Variants in RCOR1 observed in about 807,000 individuals in gnomAD.
RCOR1 encodes the protein REST corepressor.
A neutral mutation model predicts 64.0 loss-of-function variants in RCOR1; 12 were observed. That is an observed-to-expected ratio of 0.19 (90% confidence interval 0.12 to 0.30). RCOR1 has a LOEUF of 0.30. RCOR1 is among the 10% of genes least tolerant of loss of function. The probability of loss-of-function intolerance (pLI) is 1.00; values close to 1 mark genes in which losing one functional copy is unlikely to be tolerated. For missense variants in RCOR1, 502 were observed against 621.2 expected (o/e 0.81, Z 2.04); for synonymous variants, 279 against 227.2 (o/e 1.23, Z -2.05).
chr14:102,614,980 T>G (rs1204074052), intron 2 of RCOR1, among the ~76,000 whole-genome samples: 1 of 151,608 alleles, frequency 6.6e-6, no homozygotes, highest in African/African-American at 2.4e-5. Context: ...TACAGGCACG[T>G]GCCACCATGC....
chr14:102,701,877 A>C (rs146770812), intron 4 of RCOR1, among the ~76,000 whole-genome samples: 4 of 152,120 alleles, frequency 2.6e-5, no homozygotes, highest in Non-Finnish European at 5.9e-5. Flanking sequence ...ACAGGTGCAC[A>C]CCACCACGCC....
At chr14:102,662,290 C>G (rs1894839932) in intron 2 of RCOR1, 1 of 545,900 alleles carries the variant, frequency 1.8e-6, no homozygotes, top group Non-Finnish European at 3.6e-6. Flanking sequence ...TAATCAGGAG[C>G]TAGTTGAACG....
At chr14:102,671,534 T>C (rs1022384396) in intron 2 of RCOR1, among the ~76,000 whole-genome samples, 2 of 152,186 alleles carry the variant, frequency 1.3e-5, no homozygotes, top group African/African-American at 2.4e-5. Flanking sequence ...TAGCTGGGAC[T>C]ACAGGTGCTT....
intron 11 of RCOR1, among the ~76,000 whole-genome samples, chr14:102,725,338 A>G (rs1896238091): frequency 6.6e-6 from 1 of 152,240 alleles, no homozygotes; most frequent in Non-Finnish European, 1.5e-5. Flanking sequence ...GGCAGAGAGC[A>G]GTAAGACGCT....
At chr14:102,641,020 G>A (rs966339223) in intron 2 of RCOR1, among the ~76,000 whole-genome samples, 1 of 152,162 alleles carries the variant, frequency 6.6e-6, no homozygotes, top group Admixed American at 6.6e-5. Context: ...TTGGGAGGCT[G>A]AGGCAGGTGG....
intron 2 of RCOR1, chr14:102,655,543 G>A (rs897939075): frequency 3.2e-6 from 3 of 947,404 alleles, no homozygotes; most frequent in Non-Finnish European, 2.5e-6. Context: ...AGAAAGTTGC[G>A]AAGATTACAA....
chr14:102,605,067 CAAAAAAA>C (rs71119718), intron 2 of RCOR1, among the ~76,000 whole-genome samples: 43 of 93,984 alleles, frequency 4.6e-4, no homozygotes, highest in African/African-American at 1.2e-3. Context: ...TATTCCATCT[CAAAAAAA>C]AAAAAAAAAA....
intron 3 of RCOR1, among the ~76,000 whole-genome samples, chr14:102,684,126 G>C (rs553279068): frequency 6.6e-6 from 1 of 152,190 alleles, no homozygotes; most frequent in Admixed American, 6.5e-5. Context: ...CAACTCGCAC[G>C]GGAGGCCCCA....
intron 2 of RCOR1, among the ~76,000 whole-genome samples, chr14:102,631,737 T>C (rs1894115284): frequency 6.6e-6 from 1 of 152,200 alleles, no homozygotes; most frequent in African/African-American, 2.4e-5. Flanking sequence ...TTAAATTGAA[T>C]ATAGCTTCTA....
At position 102,610,834 on chromosome 14, in the gene RCOR1, G is replaced by A. The variant is rs182910590; in HGVS notation, c.361+17509G>A. On this transcript the variant is annotated intron_variant, in intron 2 of 11. Coordinates refer to ENST00000262241, the MANE Select transcript of RCOR1 (RefSeq NM_015156.4). ...CTCCCAAAGTGCAGGGATTACAGGC[G>A]TGAGCCACCGTGCCCAGCCCAAAAG... 3.9e-4 allele frequency among the ~76,000 whole-genome samples: 59 copies of A among 152,020 alleles called. No individual in the cohort carries two copies. In the East Asian group the frequency reaches 0.011, roughly 29 times the overall value.
At chr14:102,622,842 C>A (rs1252541118) in intron 2 of RCOR1, among the ~76,000 whole-genome samples, 1 of 152,196 alleles carries the variant, frequency 6.6e-6, no homozygotes, top group African/African-American at 2.4e-5. Flanking sequence ...AATGTGATGT[C>A]ATGAGTTTGT....
intron 11 of RCOR1, among the ~76,000 whole-genome samples, chr14:102,725,960 G>T (rs916586144): frequency 2.0e-5 from 3 of 152,184 alleles, no homozygotes; most frequent in African/African-American, 7.2e-5. Flanking sequence ...CAAAAACACT[G>T]ATAACTTCTT....
intron 4 of RCOR1, among the ~76,000 whole-genome samples, chr14:102,707,130 T>C (rs1345980834): frequency 1.1e-4 from 16 of 152,152 alleles, no homozygotes; most frequent in Admixed American, 1.0e-3. Context: ...AAAGACATTA[T>C]ACCTATAATA....
chr14:102,618,128 C>T (rs1198606967), intron 2 of RCOR1, among the ~76,000 whole-genome samples: 1 of 151,742 alleles, frequency 6.6e-6, no homozygotes, highest in East Asian at 1.9e-4. Flanking sequence ...CGTGCCCCAC[C>T]ACGTCTGGCT....
At chr14:102,692,623 C>CT (rs1895557693) in intron 3 of RCOR1, among the ~76,000 whole-genome samples, 1 of 152,116 alleles carries the variant, frequency 6.6e-6, no homozygotes, top group South Asian at 2.1e-4. Flanking sequence ...TGGTTTTCAA[C>CT]TTTAATTTTC....
intron 3 of RCOR1, among the ~76,000 whole-genome samples, chr14:102,699,459 A>G (rs1483579952): frequency 2.0e-5 from 3 of 152,310 alleles, no homozygotes; most frequent in East Asian, 1.9e-4. Flanking sequence ...ACATGCTTCT[A>G]TAAGAGTTGG....
intron 2 of RCOR1, among the ~76,000 whole-genome samples, chr14:102,606,484 G>A (rs1007558348): frequency 6.6e-6 from 1 of 152,148 alleles, no homozygotes; most frequent in African/African-American, 2.4e-5. Context: ...GGAGTTCAGC[G>A]GGGAGGAAGA....
Position 102,713,281 on chromosome 14 carries a change from C to T in RCOR1, c.859-1142C>T, listed in dbSNP as rs1343820720. Among the ~76,000 whole-genome samples the T allele has an allele frequency of 5.1e-5, 6 of 117,040 alleles. No homozygotes were observed. In the East Asian group the frequency reaches 1.1e-3, roughly 21 times the overall value. 76.8% of individuals were successfully genotyped at this position (117,040 alleles called of 152,430 possible). On this transcript the variant is annotated intron_variant, in intron 7 of 11. Transcript: ENST00000262241. ...TAGTTTCTTTTTTTTTTTTTTGAGA[C>T]GGAGCCTCACTGTGTCGCCCAGGCT...
chr14:102,633,558 G>A (rs1158978569), intron 2 of RCOR1, among the ~76,000 whole-genome samples: 3 of 151,544 alleles, frequency 2.0e-5, no homozygotes, highest in African/African-American at 7.3e-5. Flanking sequence ...TTTTCTCTTT[G>A]AGACGGAGTT....
Sources: allele counts gnomAD v4.1 joint callset (sites outside exome capture counted in the v4.1 genomes callset), GRCh38; gene constraint gnomAD v4.1.1; transcripts MANE v1.5; gene names NCBI Gene and HGNC (gene_info 2026-07-23, HGNC 2026-07-21).